RORA: variants seen among roughly 807,000 people sequenced by gnomAD.
The protein encoded by RORA is RAR related orphan receptor A.
RORA carries 7 observed loss-of-function variants against 69.5 expected under a neutral mutation model. The observed-to-expected ratio is 0.10, with a 90% confidence interval of 0.06 to 0.19. The LOEUF is 0.19. Ranked by LOEUF, RORA falls within the 10% of genes least tolerant of loss-of-function variation. The pLI, the probability that RORA is intolerant of heterozygous loss-of-function variation, is 1.00. For synonymous variants in RORA, 261 were observed against 240.8 expected, an observed-to-expected ratio of 1.08 and a Z score of -0.78; for missense variants, 457 against 663.0, an observed-to-expected ratio of 0.69 and a Z score of 3.41.
chr15:60,795,824 C>T (rs1208498701), intron 1 of RORA, among the ~76,000 whole-genome samples: 1 of 152,190 alleles, frequency 6.6e-6, no homozygotes, highest in Non-Finnish European at 1.5e-5. Flanking sequence ...TAAGGCACTG[C>T]ACCACCATAA....
chr15:61,071,906 C>T (rs2078371131), intron 1 of RORA, among the ~76,000 whole-genome samples: 1 of 151,918 alleles, frequency 6.6e-6, no homozygotes, highest in African/African-American at 2.4e-5. Flanking sequence ...TTGGGTGGGA[C>T]AGGGTATAGT....
intron 1 of RORA, among the ~76,000 whole-genome samples, chr15:60,726,633 C>T (rs1039982166): frequency 1.3e-5 from 2 of 152,200 alleles, no homozygotes; most frequent in East Asian, 1.9e-4. Flanking sequence ...GCGTAGGCCC[C>T]GCCTACAGCC....
chr15:61,228,145 G>T (rs1042598326), intron 1 of RORA, among the ~76,000 whole-genome samples: 2 of 152,130 alleles, frequency 1.3e-5, no homozygotes, highest in Non-Finnish European at 2.9e-5. Flanking sequence ...CCATCCCCAG[G>T]TTCCTGCAGA....
chr15:60,841,023 G>A, intron 1 of RORA: 2 of 901,824 alleles, frequency 2.2e-6, no homozygotes, highest in Non-Finnish European at 2.7e-6. Flanking sequence ...CCTTACGGAA[G>A]CCAGAGAAAT....
chr15:60,670,214 CT>C (rs1168237283), intron 2 of RORA, among the ~76,000 whole-genome samples: 101 of 67,390 alleles, frequency 1.5e-3, no homozygotes, highest in Middle Eastern at 8.2e-3. Flanking sequence ...TTTTTTTTTT[CT>C]TTTTTTTTTT....
At chr15:61,124,625 T>C (rs1460984398) in intron 1 of RORA, among the ~76,000 whole-genome samples, 1 of 152,258 alleles carries the variant, frequency 6.6e-6, no homozygotes, top group Non-Finnish European at 1.5e-5. Flanking sequence ...TATTTTTTAA[T>C]CTTGTTTTAT....
intron 2 of RORA, among the ~76,000 whole-genome samples, chr15:60,661,690 C>A (rs530029886): frequency 6.6e-6 from 1 of 152,322 alleles, no homozygotes; most frequent in African/African-American, 2.4e-5. Flanking sequence ...GGGAACTAAA[C>A]ACTGGAAAGC....
intron 1 of RORA, among the ~76,000 whole-genome samples, chr15:61,133,514 G>C (rs1385034520): frequency 6.6e-6 from 1 of 152,196 alleles, no homozygotes; most frequent in Non-Finnish European, 1.5e-5. Context: ...GGAGAGTTGA[G>C]GGCTGATGGC....
intron 1 of RORA, among the ~76,000 whole-genome samples, chr15:61,141,238 T>C (rs998073030): frequency 6.6e-6 from 1 of 152,260 alleles, no homozygotes; most frequent in Non-Finnish European, 1.5e-5. Context: ...ATTTATCTTA[T>C]ACATTAGGTT....
At chr15:60,591,297 C>T (rs1596025031) in intron 2 of RORA, among the ~76,000 whole-genome samples, 1 of 150,754 alleles carries the variant, frequency 6.6e-6, no homozygotes, top group Non-Finnish European at 1.5e-5. Flanking sequence ...CACAAGCGGG[C>T]GGCGGGCGGC....
intron 1 of RORA, among the ~76,000 whole-genome samples, chr15:60,991,053 A>G (rs977149669): frequency 5.9e-5 from 9 of 152,218 alleles, no homozygotes; most frequent in African/African-American, 1.9e-4. Context: ...CATTTATTCA[A>G]TAATCACTGG....
At chr15:60,969,467 C>T (rs1893646359) in intron 1 of RORA, among the ~76,000 whole-genome samples, 1 of 152,208 alleles carries the variant, frequency 6.6e-6, no homozygotes, top group African/African-American at 2.4e-5. Context: ...AGAACCACTT[C>T]TCTAGGTAGA....
At chr15:60,653,521 G>A (rs1390045717) in intron 2 of RORA, among the ~76,000 whole-genome samples, 2 of 152,210 alleles carry the variant, frequency 1.3e-5, no homozygotes, top group African/African-American at 4.8e-5. Context: ...ATGACTGCAT[G>A]TTGATTGGCC....
intron 1 of RORA, among the ~76,000 whole-genome samples, chr15:60,818,049 T>C (rs1019698316): frequency 2.0e-4 from 31 of 152,006 alleles, no homozygotes; most frequent in African/African-American, 7.0e-4. Flanking sequence ...GAAAAGGAAG[T>C]AGATTCTTTG....
chr15:60,842,851 C>G (rs562583422), intron 1 of RORA, among the ~76,000 whole-genome samples: 1 of 152,148 alleles, frequency 6.6e-6, no homozygotes, highest in African/African-American at 2.4e-5. Flanking sequence ...AAAGAAGACA[C>G]GCAGCCCAGG....
intron 2 of RORA, among the ~76,000 whole-genome samples, chr15:60,654,498 A>G (rs2070191985): frequency 6.6e-6 from 1 of 152,246 alleles, no homozygotes. Flanking sequence ...GAGATTTGAA[A>G]TGCTGTGTTC....
At chr15:60,584,232 C>G (rs529784093) in intron 2 of RORA, among the ~76,000 whole-genome samples, 1 of 152,338 alleles carries the variant, frequency 6.6e-6, no homozygotes, top group East Asian at 1.9e-4. Context: ...GTGTGAGACC[C>G]AGGGATCCGC....
chr15:60,892,060 C>T (rs12912031), intron 1 of RORA, among the ~76,000 whole-genome samples: 30,806 of 152,138 alleles, frequency 0.2, 3,992 homozygotes, highest in Middle Eastern at 0.3. Flanking sequence ...AGAATGATTC[C>T]GAGGCCTCAT....
At chr15:61,045,485 T>C (rs1002705716) in intron 1 of RORA, among the ~76,000 whole-genome samples, 4 of 152,180 alleles carry the variant, frequency 2.6e-5, no homozygotes, top group Admixed American at 2.6e-4. Flanking sequence ...CATCTTTCAA[T>C]TGCTGCGCTG....
Sources: gnomAD v4.1 joint callset for allele counts (sites outside exome capture counted in the v4.1 genomes callset) on GRCh38, gnomAD v4.1.1 for gene constraint, MANE v1.5 for transcripts, NCBI Gene and HGNC (gene_info 2026-07-23, HGNC 2026-07-21) for gene names.